SVOPL: variants seen among roughly 807,000 people sequenced by gnomAD.
SVOPL encodes the protein putative transporter SVOPL.
Under a neutral mutation model 61.0 loss-of-function variants are expected in SVOPL, and 60 were observed. The ratio of observed to expected loss-of-function variants is 0.98; its 90% CI spans 0.80 to 1.22. The LOEUF (loss-of-function observed/expected upper bound fraction) is 1.22. SVOPL is among the 50% of genes most tolerant of loss of function. The pLI, the probability that SVOPL is intolerant of heterozygous loss-of-function variation, is 0.00. For synonymous variants in SVOPL, 279 were observed against 250.0 expected (o/e 1.12, Z -1.09); for missense variants, 662 against 643.9 (o/e 1.03, Z -0.30).
At chr7:138,676,887 C>A (rs1465598577) in intron 3 of SVOPL, among the ~76,000 whole-genome samples, 1 of 150,124 alleles carries the variant, frequency 6.7e-6, no homozygotes, top group Non-Finnish European at 1.5e-5. Context: ...GATTACCCAC[C>A]TCTTGGGGTT....
intron 14 of SVOPL, chr7:138,596,812 G>A: frequency 8.9e-7 from 1 of 1,122,952 alleles, no homozygotes; most frequent in Non-Finnish European, 1.1e-6. Flanking sequence ...TTTGATATAT[G>A]GAAAAGATGG....
chr7:138,597,301 G>C lies in SVOPL; in HGVS notation c.1354-771C>G, dbSNP rs1049653591. 20 of 1,144,054 alleles carry C rather than the reference G, an allele frequency of 1.7e-5. No homozygotes were observed. In the African/African-American group the frequency reaches 3.0e-4, roughly 17 times the overall value. The allele number at this position is 1,144,054 out of a possible 1,614,324, so 70.9% of individuals were successfully genotyped here. A position where few individuals can be genotyped will look rare whatever the true frequency, so the allele number is the denominator to read the frequency against. On this transcript the variant is annotated intron_variant, in intron 14 of 15. Transcript: ENST00000674285. ...ATTTAGAAAGACCTAGAAACTATCT[G>C]GCTGAATACAATTTCTTCCCTTTAC...
intron 8 of SVOPL, 148 bp downstream of exon 8, chr7:138,648,864 G>A: frequency 8.2e-7 from 1 of 1,221,858 alleles, no homozygotes; most frequent in East Asian, 2.7e-5. Context: ...AGAGGCTGCA[G>A]TGAGCCGAGA....
chr7:138,644,981 G>T, intron 8 of SVOPL, 136 bp from the exon 9 acceptor site: 1 of 1,121,856 alleles, frequency 8.9e-7, no homozygotes, highest in Non-Finnish European at 1.3e-6. Flanking sequence ...GGCATGCAAT[G>T]TAGCAGGTAT....
chr7:138,648,710 C>T (rs1372628920), intron 8 of SVOPL, among the ~76,000 whole-genome samples: 1 of 150,594 alleles, frequency 6.6e-6, no homozygotes, highest in Non-Finnish European at 1.5e-5. Context: ...AGCGCCACTG[C>T]ACTCCAGCCG....
chr7:138,652,211 C>T (rs1490027024), intron 7 of SVOPL, among the ~76,000 whole-genome samples: 2 of 152,098 alleles, frequency 1.3e-5, no homozygotes, highest in East Asian at 3.9e-4. Context: ...GGCACCACAC[C>T]AAGCTAATTT....
intron 14 of SVOPL, among the ~76,000 whole-genome samples, chr7:138,620,201 A>C (rs1352287249): frequency 7.0e-6 from 1 of 142,244 alleles, no homozygotes; most frequent in Non-Finnish European, 1.5e-5. Context: ...GCTCACTGCA[A>C]CCTCTGCCTC....
At chr7:138,616,800 T>A (rs1019865911) in intron 14 of SVOPL, among the ~76,000 whole-genome samples, 4 of 152,192 alleles carry the variant, frequency 2.6e-5, no homozygotes, top group African/African-American at 9.7e-5. Context: ...TTAATTTGTT[T>A]ATTTATGACA....
At chr7:138,604,873 G>A (rs1254538407) in intron 14 of SVOPL, among the ~76,000 whole-genome samples, 3 of 151,610 alleles carry the variant, frequency 2.0e-5, no homozygotes, top group South Asian at 2.1e-4. Flanking sequence ...TTTATTTTAC[G>A]AAAAAATAAA....
intron 8 of SVOPL, among the ~76,000 whole-genome samples, chr7:138,646,793 A>T (rs1046431626): frequency 1.3e-5 from 2 of 152,192 alleles, no homozygotes; most frequent in African/African-American, 2.4e-5. Context: ...TGCTGGGATT[A>T]CAAACATGAG....
At chr7:138,693,561 G>A (rs867039905) in intron 1 of SVOPL, among the ~76,000 whole-genome samples, 11 of 66,166 alleles carry the variant, frequency 1.7e-4, no homozygotes, top group African/African-American at 5.3e-4. Flanking sequence ...AAGAAAGAAA[G>A]AAAGAAAGAA....
intron 12 of SVOPL, 40 bp from the exon 13 acceptor site, chr7:138,626,090 A>T: frequency 6.2e-7 from 1 of 1,601,738 alleles, no homozygotes; most frequent in South Asian, 1.1e-5. Context: ...AAAAGGCAGC[A>T]TGGAGGACCA....
chr7:138,644,257 T>C (rs28403202), intron 9 of SVOPL, among the ~76,000 whole-genome samples: 12,254 of 149,510 alleles, frequency 0.082, 1,453 homozygotes, highest in African/African-American at 0.26. Context: ...GTCTTGCTAT[T>C]CTCCAACCAC....
intron 1 of SVOPL, among the ~76,000 whole-genome samples, chr7:138,684,933 TC>T (rs1307891607): frequency 3.8e-5 from 5 of 133,316 alleles, no homozygotes; most frequent in African/African-American, 1.5e-4. Context: ...CTTTTTCTTT[TC>T]TTTTTTTTTT....
chr7:138,629,675 G>T (rs1800081389), intron 10 of SVOPL, among the ~76,000 whole-genome samples: 1 of 152,180 alleles, frequency 6.6e-6, no homozygotes, highest in South Asian at 2.1e-4. Context: ...ATGCTGCAGA[G>T]AAATGAATCA....
At chr7:138,637,461 TATATATAGATATAGATATAG>T (rs1563108677) in intron 9 of SVOPL, among the ~76,000 whole-genome samples, 202 of 13,028 alleles carry the variant, frequency 0.016, 3 homozygotes, top group African/African-American at 0.045. Context: ...GATAGATATA[TATATATAGATATAGATATAG>T]ATATAGATAG....
At chr7:138,647,102 G>T (rs1034179295) in intron 8 of SVOPL, among the ~76,000 whole-genome samples, 3 of 152,210 alleles carry the variant, frequency 2.0e-5, no homozygotes, top group African/African-American at 7.2e-5. Flanking sequence ...ATGGCCGGGC[G>T]CAGTGGCTCA....
intron 12 of SVOPL, among the ~76,000 whole-genome samples, chr7:138,626,777 T>C (rs1365825015): frequency 6.6e-6 from 1 of 151,728 alleles, no homozygotes; most frequent in Non-Finnish European, 1.5e-5. Context: ...GCCCAGGAGT[T>C]AGAGGCTGCA....
chr7:138,599,167 A>AAAAAAAAAAAAAACAAAAAAAAAAAAC (rs58372563), intron 14 of SVOPL, among the ~76,000 whole-genome samples: 4 of 121,810 alleles, frequency 3.3e-5, no homozygotes, highest in Non-Finnish European at 6.6e-5. Flanking sequence ...ACCAAAAAAA[A>AAAAAAAAAAAAAACAAAAAAAAAAAAC]AAGAAATACA....
Sources: gnomAD v4.1 joint callset for allele counts (sites outside exome capture counted in the v4.1 genomes callset) on GRCh38, gnomAD v4.1.1 for gene constraint, MANE v1.5 for transcripts, NCBI Gene and HGNC (gene_info 2026-07-23, HGNC 2026-07-21) for gene names.